NBPF8: variants seen among roughly 807,000 people sequenced by gnomAD.
The protein encoded by NBPF8 is NBPF family member NBPF8.
chr1:120,426,868 A>G (rs1660741472), intron 2 of NBPF8, among the ~76,000 whole-genome samples: 1 of 149,992 alleles, frequency 6.7e-6, no homozygotes, highest in African/African-American at 2.4e-5. Flanking sequence ...TGGAGGGGAT[A>G]AAGAAGTCAC....
intron 18 of NBPF8, among the ~76,000 whole-genome samples, chr1:120,460,886 C>T (rs1235516557): frequency 6.6e-6 from 1 of 151,926 alleles, no homozygotes; most frequent in East Asian, 1.9e-4. Flanking sequence ...AACTTGAGCA[C>T]ATTTTATGCA....
chr1:120,434,317 A>G (rs1661004860), upstream of NBPF8, among the ~76,000 whole-genome samples: 1 of 147,512 alleles, frequency 6.8e-6, no homozygotes, highest in African/African-American at 2.5e-5. Context: ...ATGTATATAC[A>G]CGTATATATA....
exon 13 of NBPF8, chr1:120,452,217 C>T (rs1402072209): frequency 7.9e-7 from 1 of 1,269,568 alleles, no homozygotes; most frequent in Non-Finnish European, 1.1e-6. Flanking sequence ...GAATGAGCAT[C>T]TCCAGGCCCT....
At chr1:120,465,868 C>T in intron 24 of NBPF8, 110 bp from the exon 23 acceptor site, 1 of 1,609,370 alleles carries the variant, frequency 6.2e-7, no homozygotes. Context: ...ATTAATGGAT[C>T]TGTCCTTTTT....
chr1:120,451,928 T>A (rs1661286025), intron 12 of NBPF8, among the ~76,000 whole-genome samples, 189 bp from the exon 11 acceptor site: 1 of 152,026 alleles, frequency 6.6e-6, no homozygotes, highest in Admixed American at 6.6e-5. Flanking sequence ...AAGAGCTCTC[T>A]GTGATACAGA....
chr1:120,425,462 G>A lies in NBPF8; in HGVS notation n.270-285G>A, dbSNP rs1175392791. Among the ~76,000 whole-genome samples, 7 of 152,112 alleles carry A rather than the reference G, an allele frequency of 4.6e-5. No homozygotes were observed. The Middle Eastern group carries it at 0.014, about 298-fold the overall frequency. On this transcript the variant is annotated intron_variant and non_coding_transcript_variant, in intron 1 of 28. Transcript: ENST00000652355. ...TTATGATGCAGAGACATTTGTTAACGTGTTTACCTGCTGATCTTGTCTCCA... is the reference window on the plus strand; with the variant it reads ...TTATGATGCAGAGACATTTGTTAACATGTTTACCTGCTGATCTTGTCTCCA...
chr1:120,434,214 TAAAAA>T (rs1202805267), upstream of NBPF8, among the ~76,000 whole-genome samples: 12 of 147,966 alleles, frequency 8.1e-5, no homozygotes, highest in African/African-American at 2.8e-4. Flanking sequence ...CTCCGCCACT[TAAAAA>T]AGAAAAAAAT....
chr1:120,454,103 A>C, exon 15 of NBPF8: 2 of 1,612,926 alleles, frequency 1.2e-6, no homozygotes, highest in Non-Finnish European at 1.7e-6. Flanking sequence ...GATGCTGTAC[A>C]CATTATTCCA....
chr1:120,418,776 G>T (rs1222328584), upstream of NBPF8, among the ~76,000 whole-genome samples: 1 of 146,588 alleles, frequency 6.8e-6, no homozygotes, highest in African/African-American at 2.6e-5. Flanking sequence ...TCAAACTCCT[G>T]GGCTCAAATG....
exon 25 of NBPF8, chr1:120,466,134 T>C (rs879160042): frequency 1.2e-6 from 2 of 1,610,604 alleles, no homozygotes; most frequent in Middle Eastern, 2.2e-4. Context: ...ACATCAGCTT[T>C]GCCCTTGACA....
chr1:120,433,490 G>A (rs1186371378), upstream of NBPF8: 1 of 153,122 alleles, frequency 6.5e-6, no homozygotes, highest in Non-Finnish European at 1.5e-5. Context: ...GGGTATGGGT[G>A]GGGGAAGGTG....
At chr1:120,454,255 C>T in intron 15 of NBPF8, 141 bp downstream of exon 13, 1 of 1,548,978 alleles carries the variant, frequency 6.5e-7, no homozygotes, top group Non-Finnish European at 8.8e-7. Flanking sequence ...GTTTTTTTGT[C>T]CTTCACAGCT....
chr1:120,466,375 A>G, exon 25 of NBPF8: 1 of 1,154,710 alleles, frequency 8.7e-7, no homozygotes, highest in Non-Finnish European at 1.2e-6. Context: ...TGCCAGTGGC[A>G]ACCTGTGCTC....
chr1:120,450,805 G>A (rs1425715361), intron 11 of NBPF8, among the ~76,000 whole-genome samples: 8 of 152,170 alleles, frequency 5.3e-5, no homozygotes, highest in South Asian at 2.1e-4. Flanking sequence ...GGGCCTTCCC[G>A]ACTGTACAAG....
chr1:120,431,781 C>A (rs1451064326), upstream of NBPF8, among the ~76,000 whole-genome samples: 1 of 151,842 alleles, frequency 6.6e-6, no homozygotes, highest in Non-Finnish European at 1.5e-5. Flanking sequence ...AATTTACACA[C>A]TGTGTCTGCA....
chr1:120,464,556 C>A lies in NBPF8; in HGVS notation n.3459+8C>A. On this transcript the variant is annotated splice_region_variant and intron_variant and non_coding_transcript_variant, in intron 23 of 24. Coordinates refer to ENST00000583271, the Ensembl canonical transcript of NBPF8. ...TTTCTCTTGACGTGGGAGGTGAGTA[C>A]CTTTCTATGAAGGTGATAAGGATCC... The A allele has an allele frequency of 6.5e-6, 5 of 770,432 alleles. No homozygotes were observed. The South Asian group carries it at 6.8e-5, about 10-fold the overall frequency. 47.7% of individuals were successfully genotyped at this position (770,432 alleles called of 1,614,324 possible).
chr1:120,464,262 G>C, intron 22 of NBPF8, 114 bp from the exon 21 acceptor site: 3 of 638,436 alleles, frequency 4.7e-6, no homozygotes, highest in East Asian at 5.4e-5. Context: ...CTCATTAATG[G>C]ATCTATCCTT....
chr1:120,456,954 G>T (rs1661454769), intron 16 of NBPF8, among the ~76,000 whole-genome samples: 1 of 149,066 alleles, frequency 6.7e-6, no homozygotes, highest in Non-Finnish European at 1.5e-5. Flanking sequence ...TGTAAGGCAG[G>T]CCTGGTGGTG....
chr1:120,465,788 G>C (rs1661726785), intron 24 of NBPF8, among the ~76,000 whole-genome samples, 190 bp from the exon 23 acceptor site: 2 of 145,694 alleles, frequency 1.4e-5, no homozygotes, highest in African/African-American at 2.6e-5. Flanking sequence ...CTCTCTCTCT[G>C]TCTTTCTCTT....
Sources: allele counts gnomAD v4.1 joint callset (sites outside exome capture counted in the v4.1 genomes callset), GRCh38; gene constraint gnomAD v4.1.1; transcripts MANE v1.5; gene names NCBI Gene and HGNC (gene_info 2026-07-23, HGNC 2026-07-21).